Variants in C11orf58 observed in about 807,000 individuals in gnomAD.
C11orf58 encodes the protein chromosome 11 open reading frame 58.
Under a neutral mutation model 22.7 loss-of-function variants are expected in C11orf58, and 5 were observed. The ratio of observed to expected loss-of-function variants is 0.22; its 90% CI spans 0.12 to 0.46. The LOEUF is 0.46. C11orf58 is among the 20% of genes least tolerant of loss of function. The pLI is 0.99. For synonymous variants in C11orf58, 71 were observed against 70.7 expected (o/e 1.00, Z -0.02); for missense variants, 151 against 223.3 (o/e 0.68, Z 2.06).
rs1321163259 is a variant in C11orf58 at position 16,756,551 on chromosome 11, G to C, written c.*1447G>C. On this transcript the variant is annotated 3_prime_UTR_variant, in exon 5 of 5. Transcript: ENST00000228136. ...CCCAAAGTGCTGGGATTACAGGCGT[G>C]AGCCACCACGCCCAGCCTTGGAGTG... 2.0e-5 allele frequency among the ~76,000 whole-genome samples: 3 copies of C among 151,510 alleles called. No homozygotes were observed. Among genetic ancestry groups the C allele is most frequent in the Non-Finnish European group, 2.9e-5 (2 of 67,812 alleles).
intron 1 of C11orf58, among the ~76,000 whole-genome samples, chr11:16,743,702 T>C (rs559563063): frequency 1.1e-4 from 17 of 152,214 alleles, no homozygotes; most frequent in Non-Finnish European, 2.2e-4. Context: ...TGAAATACTT[T>C]GGACAATACA....
At chr11:16,743,589 T>C (rs1436544668) in intron 1 of C11orf58, among the ~76,000 whole-genome samples, 1 of 152,208 alleles carries the variant, frequency 6.6e-6, no homozygotes, top group African/African-American at 2.4e-5. Flanking sequence ...GTCAGTTTTT[T>C]CTCTTTGCCA....
chr11:16,750,270 A>G (rs1848522366), intron 3 of C11orf58: 1 of 152,286 alleles, frequency 6.6e-6, no homozygotes, highest in Non-Finnish European at 1.5e-5. Flanking sequence ...GTGCTTCACC[A>G]CATGGAGACC....
At chr11:16,744,529 A>T in intron 1 of C11orf58, 72 bp from the exon 2 acceptor site, 2 of 1,220,706 alleles carry the variant, frequency 1.6e-6, no homozygotes, top group Non-Finnish European at 2.4e-6. Context: ...CTTGAGAGTT[A>T]CAGGTAGACT....
chr11:16,748,298 A>C (rs1159468066), intron 3 of C11orf58, 141 bp downstream of exon 3: 12 of 633,082 alleles, frequency 1.9e-5, no homozygotes, highest in Non-Finnish European at 2.9e-5. Context: ...GCAGTGGCTT[A>C]ATGCCTGTAA....
chr11:16,741,064 C>G (rs1341226327), intron 1 of C11orf58, among the ~76,000 whole-genome samples: 1 of 150,196 alleles, frequency 6.7e-6, no homozygotes, highest in Non-Finnish European at 1.5e-5. Flanking sequence ...CCACTGCACT[C>G]CAGCCTGGGC....
In C11orf58 at chr11:16,756,082, G is replaced by T. The variant is rs867443991; in HGVS notation, c.*978G>T. 7 of 152,154 alleles carry T rather than the reference G, an allele frequency of 4.6e-5. No homozygotes were observed. Among genetic ancestry groups the T allele is most frequent in the Middle Eastern group, 3.2e-3 (1 of 316 alleles). The allele number at this position is 152,154 out of a possible 1,614,324, so 9.4% of individuals were successfully genotyped here. A position where few individuals can be genotyped will look rare whatever the true frequency, so the allele number is the denominator to read the frequency against. ...ATTAGAATCATCTGACTGCTATTAG[G>T]TGGTTGATTTGTATAGCTGATTAAC... On this transcript the variant is annotated 3_prime_UTR_variant, in exon 5 of 5. Coordinates refer to ENST00000228136, the MANE Select transcript of C11orf58 (RefSeq NM_014267.6).
intron 1 of C11orf58, among the ~76,000 whole-genome samples, chr11:16,743,051 A>G (rs1429031482): frequency 6.6e-6 from 1 of 152,256 alleles, no homozygotes; most frequent in Admixed American, 6.5e-5. Context: ...TCAAAATACA[A>G]TACTTGAGGA....
Position 16,755,237 on chromosome 11 carries a change from T to C in C11orf58, c.*133T>C. 1 of 1,095,406 alleles carries C rather than the reference T, an allele frequency of 9.1e-7. No individual in the cohort carries two copies. The highest frequency in any genetic ancestry group is 1.3e-6 in the Non-Finnish European group (1 of 768,870). The allele number at this position is 1,095,406 out of a possible 1,614,324, so 67.9% of individuals were successfully genotyped here. ...CCTTTTAAATAATTACAAAGAGTGT[T>C]TGCTTTCAAATGCCATGGGTTACAC... On this transcript the variant is annotated 3_prime_UTR_variant, in exon 5 of 5. Coordinates refer to ENST00000228136, the MANE Select transcript of C11orf58 (RefSeq NM_014267.6).
rs146011841 is a variant in C11orf58 at position 16,738,792 on chromosome 11, G to A, written c.14G>A (p.Arg5Lys). Residue 5 changes from arginine to lysine, a missense_variant, in exon 1 of 5, where the codon AGA becomes AAA. Arg to Lys is a conservative substitution (Grantham distance 26). Around this residue, in one of 3 missense-constraint regions of C11orf58, gnomAD observed 34 missense variants for 36.5 expected, o/e 0.93. Coordinates refer to ENST00000228136, the MANE Select transcript of C11orf58 (RefSeq NM_014267.6). ...ATCCCCGCAAGGATGAGTGCTGCCA[G>A]AGAGTCTCACCCGCATGGGGTGAAG... MSAA[R>K]ESHPHGVKRS... is the part of the protein sequence containing the mutation. 81 of 1,613,862 alleles carry A rather than the reference G, an allele frequency of 5.0e-5. No individual in the cohort carries two copies. The highest frequency in any genetic ancestry group is 6.2e-5 in the Non-Finnish European group (73 of 1,180,000).
rs996974494 is a variant in C11orf58, at chr11:16,743,085, A to G, written c.64-1516A>G. ...GAATTTTTGAAACCTATTGCTTACAATTTTGTAATTGTCATCCTTGCTCCA... is the reference window on the plus strand; with the variant it reads ...GAATTTTTGAAACCTATTGCTTACAGTTTTGTAATTGTCATCCTTGCTCCA... On this transcript the variant is annotated intron_variant, in intron 1 of 4. Coordinates refer to ENST00000228136, the MANE Select transcript of C11orf58 (RefSeq NM_014267.6). 6.6e-5 allele frequency among the ~76,000 whole-genome samples: 10 copies of G among 152,306 alleles called. No homozygotes were observed. In the South Asian group the frequency reaches 1.0e-3, roughly 16 times the overall value.
chr11:16,752,698 C>A, intron 3 of C11orf58, 87 bp from the exon 4 acceptor site: 1 of 814,542 alleles, frequency 1.2e-6, no homozygotes, highest in Non-Finnish European at 1.9e-6. Context: ...GATAAATCAG[C>A]CCTGAGTATA....
intron 2 of C11orf58, among the ~76,000 whole-genome samples, chr11:16,745,360 C>G (rs1037315741): frequency 1.3e-5 from 2 of 152,128 alleles, no homozygotes; most frequent in Non-Finnish European, 2.9e-5. Context: ...ACTTTTGACT[C>G]CCCAACAACT....
At chr11:16,746,519 A>G (rs1010183351) in intron 2 of C11orf58, among the ~76,000 whole-genome samples, 5 of 152,176 alleles carry the variant, frequency 3.3e-5, no homozygotes, top group African/African-American at 1.2e-4. Flanking sequence ...ATCATTGAAA[A>G]TTAAGTGAGG....
chr11:16,747,263 G>A (rs959441405), intron 2 of C11orf58: 3 of 152,088 alleles, frequency 2.0e-5, no homozygotes, highest in Admixed American at 1.3e-4. Context: ...GAAGTTTTTC[G>A]GTAGTATCAT....
chr11:16,744,587 A>G lies in C11orf58; in HGVS notation c.64-14A>G. On this transcript the variant is annotated splice_polypyrimidine_tract_variant and intron_variant, in intron 1 of 4. Coordinates refer to ENST00000228136, the MANE Select transcript of C11orf58 (RefSeq NM_014267.6). Reference sequence around the variant, plus strand: ...TTATGCAAAAAAAATTTAATCAACCAATTTTTTTTCTAGCTGGGATCTAGC... The same window carrying G: ...TTATGCAAAAAAAATTTAATCAACCGATTTTTTTTCTAGCTGGGATCTAGC... 1 of 1,611,362 alleles carries G rather than the reference A, an allele frequency of 6.2e-7. No individual in the cohort carries two copies. Among genetic ancestry groups the G allele is most frequent in the African/African-American group, 1.3e-5 (1 of 74,818 alleles).
chr11:16,740,790 G>GAA (rs34324472), intron 1 of C11orf58, among the ~76,000 whole-genome samples: 14 of 133,410 alleles, frequency 1.0e-4, no homozygotes, highest in Non-Finnish European at 9.4e-5. Context: ...AGCTGTTGCA[G>GAA]AAAAAAAAAA....
At chr11:16,739,060 G>T (rs1438392093) in intron 1 of C11orf58, among the ~76,000 whole-genome samples, 2 of 152,082 alleles carry the variant, frequency 1.3e-5, no homozygotes, top group Non-Finnish European at 2.9e-5. Flanking sequence ...TGCGTAGGAA[G>T]GGGGATTGAG....
intron 1 of C11orf58, among the ~76,000 whole-genome samples, chr11:16,741,266 C>T (rs1564882701): frequency 1.3e-5 from 2 of 152,028 alleles, no homozygotes; most frequent in African/African-American, 4.8e-5. Flanking sequence ...AATCACAATA[C>T]AACTCTAGAA....
Sources: gnomAD v4.1 joint callset for allele counts (sites outside exome capture counted in the v4.1 genomes callset) on GRCh38, gnomAD v4.1.1 for gene constraint, gnomAD v4.1.1 regional missense constraint, MANE v1.5 for transcripts, NCBI Gene and HGNC (gene_info 2026-07-23, HGNC 2026-07-21) for gene names.